The following PLCXD2 variants were observed in gnomAD, a reference collection of about 807,000 sequenced individuals.
PLCXD2 encodes phosphatidylinositol specific phospholipase C X domain containing 2.
PLCXD2 carries 21 observed loss-of-function variants against 28.6 expected under a neutral mutation model. That is an observed-to-expected ratio of 0.73 (90% CI 0.52 to 1.06). PLCXD2 has a LOEUF of 1.06. Ranked by LOEUF, PLCXD2 falls within the 50% of genes least tolerant of loss-of-function variation. The pLI is 0.00. For synonymous variants in PLCXD2, 140 were observed against 150.1 expected (o/e 0.93, Z 0.49); for missense variants, 369 against 376.7 (o/e 0.98, Z 0.17).
intron 1 of PLCXD2, among the ~76,000 whole-genome samples, chr3:111,681,508 C>T (rs957440073): frequency 6.6e-6 from 1 of 152,096 alleles, no homozygotes; most frequent in Non-Finnish European, 1.5e-5. Context: ...AATTCCTTCC[C>T]CCAGCTATTG....
chr3:111,722,937 C>T (rs755406769), intron 3 of PLCXD2: 1 of 152,174 alleles, frequency 6.6e-6, no homozygotes, highest in Non-Finnish European at 1.5e-5. Flanking sequence ...ATTTGAACCC[C>T]TCCCCAAAGG....
At chr3:111,690,373 A>AT (rs995451887) in intron 1 of PLCXD2, among the ~76,000 whole-genome samples, 34 of 148,006 alleles carry the variant, frequency 2.3e-4, no homozygotes, top group East Asian at 1.6e-3. Flanking sequence ...AACAAGTTAC[A>AT]TTTTTTTTTT....
intron 3 of PLCXD2, among the ~76,000 whole-genome samples, chr3:111,716,205 G>A (rs1941265201): frequency 6.6e-6 from 1 of 152,174 alleles, no homozygotes; most frequent in African/African-American, 2.4e-5. Flanking sequence ...ATATAGCTCT[G>A]GTTGAGTTTG....
At chr3:111,716,228 A>C (rs552774406) in intron 3 of PLCXD2, among the ~76,000 whole-genome samples, 255 of 152,364 alleles carry the variant, frequency 1.7e-3, no homozygotes, top group African/African-American at 5.9e-3. Flanking sequence ...CCAAAAGGCC[A>C]GTGCAGAGTG....
intron 2 of PLCXD2, among the ~76,000 whole-genome samples, chr3:111,710,171 T>G (rs1038499099): frequency 6.6e-6 from 1 of 152,214 alleles, no homozygotes; most frequent in African/African-American, 2.4e-5. Flanking sequence ...CACGGAGGCT[T>G]CATGAGTTAA....
At chr3:111,693,523 G>A (rs1211736979) in intron 1 of PLCXD2, among the ~76,000 whole-genome samples, 3 of 152,162 alleles carry the variant, frequency 2.0e-5, no homozygotes, top group Non-Finnish European at 4.4e-5. Flanking sequence ...TGGATTATCT[G>A]AACACTACAT....
At chr3:111,712,911 A>G (rs1161560341) in intron 2 of PLCXD2, among the ~76,000 whole-genome samples, 1 of 152,178 alleles carries the variant, frequency 6.6e-6, no homozygotes, top group African/African-American at 2.4e-5. Flanking sequence ...CCTCCCAGAA[A>G]CTAATTAATG....
chr3:111,689,500 C>G (rs1175316439), intron 1 of PLCXD2, among the ~76,000 whole-genome samples: 1 of 152,226 alleles, frequency 6.6e-6, no homozygotes, highest in African/African-American at 2.4e-5. Context: ...TCTTTGAACA[C>G]CCTCCCTTCC....
rs1941234313 is a variant in PLCXD2, at chr3:111,713,959, C to A, written c.697C>A (p.Pro233Thr). The A allele has an allele frequency of 6.2e-7, 1 of 1,614,138 alleles. No homozygotes were observed. Among genetic ancestry groups the A allele is most frequent in the Non-Finnish European group, 8.5e-7 (1 of 1,180,028 alleles). Residue 233 changes from proline (P) to threonine (T), a missense_variant, in exon 3 of 5, where the codon CCC becomes ACC. Transcript: ENST00000477665. ...GTGGCCAGGAAAGAAGATTCCAGCG[C>A]CCTGGGCAAACACCACAAGTGTGCG...
rs116461246 is a variant in PLCXD2 at position 111,681,933 on chromosome 3, C to A, written c.163+6525C>A. On this transcript the variant is annotated intron_variant, in intron 1 of 4. Coordinates refer to ENST00000477665, the MANE Select transcript of PLCXD2 (RefSeq NM_001185106.1). Reference sequence around the variant, plus strand: ...ATGCTTTAGCGTCCTGCAACTTTGCCTCTGGGAAAATCGCAAACCACTTTG... The same window carrying A: ...ATGCTTTAGCGTCCTGCAACTTTGCATCTGGGAAAATCGCAAACCACTTTG... Among the ~76,000 whole-genome samples, 355 of 152,314 alleles carry A rather than the reference C, an allele frequency of 2.3e-3. 1 individual carries two copies. The highest frequency in any genetic ancestry group is 8.3e-3 in the African/African-American group (346 of 41,564).
Position 111,694,209 on chromosome 3 carries a change from T to C in PLCXD2, c.164-13717T>C, listed in dbSNP as rs545645815. Among the ~76,000 whole-genome samples, 10 of 152,294 alleles carry C rather than the reference T, an allele frequency of 6.6e-5. No homozygotes were observed. The South Asian group carries it at 2.1e-3, about 32-fold the overall frequency. Reference sequence around the variant, plus strand: ...CTCCCAGCTTCTCAACCTCTCTCTGTTTCCTCAGCAGATCCACTGAGGTCT... The same window carrying C: ...CTCCCAGCTTCTCAACCTCTCTCTGCTTCCTCAGCAGATCCACTGAGGTCT... On this transcript the variant is annotated intron_variant, in intron 1 of 4. Transcript: ENST00000477665.
At chr3:111,687,071 C>A (rs1484050552) in intron 1 of PLCXD2, among the ~76,000 whole-genome samples, 1 of 152,200 alleles carries the variant, frequency 6.6e-6, no homozygotes, top group East Asian at 1.9e-4. Context: ...ACTCTCTGAG[C>A]ATCTGTTCAT....
At chr3:111,683,345 A>G (rs1940745973) in intron 1 of PLCXD2, among the ~76,000 whole-genome samples, 1 of 152,194 alleles carries the variant, frequency 6.6e-6, no homozygotes, top group East Asian at 1.9e-4. Context: ...AGGAATAGAT[A>G]TGAGGCTGGG....
intron 1 of PLCXD2, among the ~76,000 whole-genome samples, chr3:111,682,702 T>G (rs1180378774): frequency 2.6e-5 from 4 of 152,194 alleles, no homozygotes; most frequent in African/African-American, 9.6e-5. Context: ...AAAGTGCGAT[T>G]GAAACCAGAT....
chr3:111,681,612 A>G (rs1428172724), intron 1 of PLCXD2, among the ~76,000 whole-genome samples: 3 of 152,150 alleles, frequency 2.0e-5, no homozygotes, highest in African/African-American at 7.2e-5. Flanking sequence ...ACATGCACAG[A>G]TACTTAGCTA....
At chr3:111,686,250 C>T (rs115564884) in intron 1 of PLCXD2, among the ~76,000 whole-genome samples, 3,385 of 152,278 alleles carry the variant, frequency 0.022, 139 homozygotes, top group African/African-American at 0.077. Context: ...CCAAGACAGA[C>T]TTTTTTAATT....
At chr3:111,701,701 A>G (rs1941046378) in intron 1 of PLCXD2, among the ~76,000 whole-genome samples, 1 of 152,188 alleles carries the variant, frequency 6.6e-6, no homozygotes, top group Non-Finnish European at 1.5e-5. Context: ...TTTGACAGGC[A>G]ATGAGTCTAT....
At chr3:111,700,556 A>G (rs1380170415) in intron 1 of PLCXD2, among the ~76,000 whole-genome samples, 1 of 152,214 alleles carries the variant, frequency 6.6e-6, no homozygotes, top group Admixed American at 6.5e-5. Flanking sequence ...GATGCCAATT[A>G]CTTCCTAAGA....
intron 1 of PLCXD2, among the ~76,000 whole-genome samples, chr3:111,678,084 C>A (rs979324079): frequency 4.6e-5 from 7 of 152,174 alleles, no homozygotes; most frequent in African/African-American, 1.7e-4. Context: ...AAAAGGCAAG[C>A]CTTCTGGCAA....
Sources: gnomAD v4.1 joint callset for allele counts (sites outside exome capture counted in the v4.1 genomes callset) on GRCh38, gnomAD v4.1.1 for gene constraint, MANE v1.5 for transcripts, NCBI Gene and HGNC (gene_info 2026-07-23, HGNC 2026-07-21) for gene names.